The following ZNF765 variants were observed in gnomAD, a reference collection of about 807,000 sequenced individuals.
ZNF765 encodes zinc finger protein 765.
A neutral mutation model predicts 44.7 loss-of-function variants in ZNF765; 37 were observed. The observed-to-expected ratio is 0.83, with a 90% CI of 0.64 to 1.09. The LOEUF (loss-of-function observed/expected upper bound fraction) is 1.09. Among genes scored for constraint, ZNF765 ranks in the 50% least tolerant of loss-of-function variants. The pLI, the probability that ZNF765 is intolerant of heterozygous loss-of-function variation, is 0.00. For missense variants in ZNF765, 594 were observed against 626.1 expected (o/e 0.95, Z 0.55); for synonymous variants, 201 against 213.7 (o/e 0.94, Z 0.52).
chr19:53,402,763 T>G (rs2085740098), intron 3 of ZNF765, among the ~76,000 whole-genome samples: 1 of 152,120 alleles, frequency 6.6e-6, no homozygotes, highest in Non-Finnish European at 1.5e-5. Context: ...AGGGTCTTGC[T>G]GTGTTGTTGA....
rs1483302114 is a variant in ZNF765, at chr19:53,408,661, A to C, written c.1106A>C (p.His369Pro). 6.2e-7 allele frequency: 1 copy of C among 1,612,044 alleles called. No individual in the cohort carries two copies. Among genetic ancestry groups the C allele is most frequent in the African/African-American group, 1.3e-5 (1 of 74,276 alleles). ...ECGKTFSRKS[H>P]FTCHHRVHTG... ...GGCAAGACCTTTAGTCGGAAGTCAC[A>C]TTTTACATGCCATCATAGAGTTCAT... The change falls in exon 4 of 4, where the codon CAT becomes CCT. Residue 369 changes from histidine (H) to proline (P), a missense_variant. Coordinates refer to ENST00000396408, the MANE Select transcript of ZNF765 (RefSeq NM_001040185.3).
intron 3 of ZNF765, among the ~76,000 whole-genome samples, chr19:53,420,223 TC>T (rs2085899263): frequency 6.6e-6 from 1 of 150,742 alleles, no homozygotes; most frequent in Non-Finnish European, 1.5e-5. Flanking sequence ...TCCCAGCTAC[TC>T]AGGAGGCTGA....
rs571493402 is a variant in ZNF765, at chr19:53,399,036, C to T, written c.15+1006C>T. Among the ~76,000 whole-genome samples, 32 of 151,998 alleles carry T rather than the reference C, an allele frequency of 2.1e-4. 1 individual carries two copies. The South Asian group carries it at 5.0e-3, about 24-fold the overall frequency. The stretch of plus-strand genomic sequence containing the variant: ...GGAGTGCTGGGATTACAGGTATAAG[C>T]CACCATGCCCAGCCCCAATGATTAT... On this transcript the variant is annotated intron_variant, in intron 2 of 3. Coordinates refer to ENST00000396408, the MANE Select transcript of ZNF765 (RefSeq NM_001040185.3).
In ZNF765 at chr19:53,408,721, G is replaced by T. The variant is rs2085803163; in HGVS notation, c.1166G>T (p.Ser389Ile). 3 of 1,574,870 alleles carry T rather than the reference G, an allele frequency of 1.9e-6. No homozygotes were observed. The highest frequency in any genetic ancestry group is 1.4e-5 in the African/African-American group (1 of 73,422). ...AAACCTTACAAGTGTAATGAGTGTA[G>T]CAAGACCTTTAGTCACAAGTCATCT... ...GEKPYKCNEC[S>I]KTFSHKSSLT... The change falls in exon 4 of 4, where the codon AGC (serine) becomes ATC (isoleucine). Residue 389 changes from serine to isoleucine, a missense_variant. Ser to Ile is a moderately radical substitution (Grantham distance 142, BLOSUM62 -2). Transcript: ENST00000396408.
chr19:53,409,290 T>G lies in ZNF765; in HGVS notation c.*163T>G. ...TTCGTACTGAAGAGAATCTTACAAGTGTAATGAGTGTGGCAAGACCTTGAG... is the reference window on the plus strand; with the variant it reads ...TTCGTACTGAAGAGAATCTTACAAGGGTAATGAGTGTGGCAAGACCTTGAG... On this transcript the variant is annotated 3_prime_UTR_variant, in exon 4 of 4. Coordinates refer to ENST00000396408, the MANE Select transcript of ZNF765 (RefSeq NM_001040185.3). 1.0e-6 allele frequency: 1 copy of G among 979,842 alleles called. No individual in the cohort carries two copies. Among genetic ancestry groups the G allele is most frequent in the Middle Eastern group, 2.1e-4 (1 of 4,762 alleles). The allele number at this position is 979,842 out of a possible 1,614,324, so 60.7% of individuals were successfully genotyped here. A position where few individuals can be genotyped will look rare whatever the true frequency, so the allele number is the denominator to read the frequency against.
intron 1 of ZNF765, among the ~76,000 whole-genome samples, chr19:53,396,408 G>A (rs919305492): frequency 5.3e-5 from 8 of 152,180 alleles, no homozygotes; most frequent in Admixed American, 3.3e-4. Flanking sequence ...AAAAAGCTGA[G>A]CATTTCAACA....
intron 2 of ZNF765, among the ~76,000 whole-genome samples, chr19:53,398,844 G>C (rs1418770803): frequency 6.6e-6 from 1 of 152,046 alleles, no homozygotes; most frequent in Non-Finnish European, 1.5e-5. Context: ...CCACCTTCCG[G>C]GTTCAAGTGA....
chr19:53,419,265 C>T (rs979404054), intron 3 of ZNF765, among the ~76,000 whole-genome samples: 2 of 152,112 alleles, frequency 1.3e-5, no homozygotes, highest in Non-Finnish European at 2.9e-5. Context: ...GAAGTATGCC[C>T]TTATGACCCA....
intron 3 of ZNF765, among the ~76,000 whole-genome samples, chr19:53,405,312 A>G (rs1420216195): frequency 1.3e-4 from 20 of 152,120 alleles, no homozygotes; most frequent in Admixed American, 1.3e-3. Context: ...AGATTGCCCC[A>G]CTACACTCCA....
downstream of ZNF765, among the ~76,000 whole-genome samples, chr19:53,414,960 A>G (rs1184205256): frequency 6.6e-6 from 1 of 152,138 alleles, no homozygotes; most frequent in African/African-American, 2.4e-5. Flanking sequence ...GCGTAGATCT[A>G]TTGCAACTGT....
intron 2 of ZNF765, among the ~76,000 whole-genome samples, chr19:53,398,837 C>T (rs1161432607): frequency 5.9e-5 from 9 of 152,124 alleles, no homozygotes; most frequent in African/African-American, 9.7e-5. Flanking sequence ...GCAACCTCCA[C>T]CTTCCGGGTT....
intron 3 of ZNF765, among the ~76,000 whole-genome samples, chr19:53,418,783 T>C (rs1355114126): frequency 1.3e-5 from 2 of 151,832 alleles, no homozygotes; most frequent in Non-Finnish European, 2.9e-5. Context: ...TGGGCCCCTG[T>C]AATCCCAGCT....
chr19:53,413,348 A>G (rs936292611), downstream of ZNF765: 12 of 579,170 alleles, frequency 2.1e-5, no homozygotes, highest in African/African-American at 2.2e-4. Context: ...GTCTATAAGG[A>G]ATTGCACGTG....
chr19:53,419,421 T>C (rs576366506), intron 3 of ZNF765, among the ~76,000 whole-genome samples: 2 of 152,324 alleles, frequency 1.3e-5, no homozygotes, highest in South Asian at 4.1e-4. Context: ...GTTTCTCTAT[T>C]GAAAACATAA....
In ZNF765 at chr19:53,409,495, CT is replaced by C; in HGVS notation, c.*370del. The C allele has an allele frequency of 1.0e-6, 1 of 968,522 alleles. No individual in the cohort carries two copies. The highest frequency in any genetic ancestry group is 1.7e-6 in the Non-Finnish European group (1 of 597,036). The allele number at this position is 968,522 out of a possible 1,614,324, so 60.0% of individuals were successfully genotyped here. ...CAAGACCTTCAGCCAGACCTCATCC[CT>C]TACATGCCATTGTAGACTTCGTACT... is the stretch of plus-strand genomic sequence containing the variant. On this transcript the variant is annotated 3_prime_UTR_variant, in exon 4 of 4. Coordinates refer to ENST00000396408, the MANE Select transcript of ZNF765 (RefSeq NM_001040185.3).
chr19:53,422,092 T>A (rs2085911008), intron 3 of ZNF765, among the ~76,000 whole-genome samples: 3 of 152,202 alleles, frequency 2.0e-5, no homozygotes, highest in Admixed American at 1.3e-4. Flanking sequence ...ATAATTGGTA[T>A]CAGCCTCTGG....
intron 3 of ZNF765, among the ~76,000 whole-genome samples, chr19:53,418,580 T>C (rs983362090): frequency 2.0e-5 from 3 of 151,444 alleles, no homozygotes; most frequent in African/African-American, 7.3e-5. Context: ...AGGTAGAGTA[T>C]GGAATAGAAG....
chr19:53,397,826 T>A (rs1229637297), intron 1 of ZNF765, 117 bp from the exon 2 acceptor site: 1 of 1,050,044 alleles, frequency 9.5e-7, no homozygotes, highest in African/African-American at 1.6e-5. Context: ...CCTGGTGTGG[T>A]CGGCAGCATA....
downstream of ZNF765, among the ~76,000 whole-genome samples, chr19:53,415,018 T>TC (rs748218947): frequency 6.6e-6 from 1 of 152,158 alleles, no homozygotes; most frequent in African/African-American, 2.4e-5. Flanking sequence ...ACACCTGTAA[T>TC]CCCAGCACTT....
Sources: allele counts gnomAD v4.1 joint callset (sites outside exome capture counted in the v4.1 genomes callset), GRCh38; gene constraint gnomAD v4.1.1; transcripts MANE v1.5; gene names NCBI Gene and HGNC (gene_info 2026-07-23, HGNC 2026-07-21).